Variants in PLAA observed in about 807,000 individuals in gnomAD.
PLAA encodes phospholipase A-2-activating protein.
PLAA carries 48 observed loss-of-function variants against 84.1 expected under a neutral mutation model. The observed-to-expected ratio is 0.57, with a 90% confidence interval of 0.45 to 0.73. PLAA has a LOEUF of 0.73. Among genes scored for constraint, PLAA ranks in the 30% least tolerant of loss-of-function variants. The pLI is 0.00. For missense variants in PLAA, 903 were observed against 954.7 expected (o/e 0.95, Z 0.71); for synonymous variants, 392 against 336.6 (o/e 1.16, Z -1.80).
At chr9:26,910,539 A>G (rs1824368044) in intron 11 of PLAA, 100 bp from the exon 12 acceptor site, 3 of 782,898 alleles carry the variant, frequency 3.8e-6, no homozygotes, top group Non-Finnish European at 6.3e-6. Context: ...GAGATATGCA[A>G]CTATTCAGTG....
chr9:26,911,939 A>C (rs895032015), intron 11 of PLAA, among the ~76,000 whole-genome samples: 1 of 152,210 alleles, frequency 6.6e-6, no homozygotes, highest in African/African-American at 2.4e-5. Flanking sequence ...ATAAACAATA[A>C]ATTTTTCTTG....
chr9:26,907,565 AAAAC>A (rs1187626437), intron 13 of PLAA: 7 of 353,890 alleles, frequency 2.0e-5, no homozygotes, highest in African/African-American at 8.7e-5. Context: ...ACAAAACAAA[AAAAC>A]AAAGAAAACA....
chr9:26,905,473 A>T lies in PLAA; in HGVS notation c.*38T>A. On this transcript the variant is annotated 3_prime_UTR_variant, in exon 14 of 14. Transcript: ENST00000397292. ...TCATGTCAAATGTGAGGAAAAAAAC[A>T]CTAATCAATTAAAAATATCCGTCCC... The T allele has an allele frequency of 7.2e-7, 1 of 1,397,416 alleles. No individual in the cohort carries two copies. The highest frequency in any genetic ancestry group is 9.9e-7 in the Non-Finnish European group (1 of 1,013,144). The allele number at this position is 1,397,416 out of a possible 1,614,324, so 86.6% of individuals were successfully genotyped here.
At chr9:26,916,265 G>A (rs1011405873) in intron 10 of PLAA, 7 of 985,158 alleles carry the variant, frequency 7.1e-6, no homozygotes, top group East Asian at 1.1e-4. Context: ...ATACCTAAAC[G>A]CTATGATCTC....
intron 6 of PLAA, 51 bp from the exon 7 acceptor site, chr9:26,923,398 C>A (rs1283751846): frequency 8.1e-7 from 1 of 1,238,820 alleles, no homozygotes; most frequent in South Asian, 1.3e-5. Flanking sequence ...AATACATTAA[C>A]ATTATCACAC....
At chr9:26,945,062 G>A (rs1208926415) in intron 1 of PLAA, among the ~76,000 whole-genome samples, 2 of 152,204 alleles carry the variant, frequency 1.3e-5, no homozygotes, top group Non-Finnish European at 2.9e-5. Context: ...CGGAGGCGGA[G>A]GTTGCAGTGA....
intron 1 of PLAA, among the ~76,000 whole-genome samples, chr9:26,941,701 C>T (rs1825549596): frequency 6.7e-6 from 1 of 150,256 alleles, no homozygotes; most frequent in South Asian, 2.1e-4. Flanking sequence ...ATATTGCAAC[C>T]ATGAAACAAG....
intron 1 of PLAA, among the ~76,000 whole-genome samples, chr9:26,939,484 C>CAAAAAAAAAA (rs58833364): frequency 1.3e-5 from 1 of 76,922 alleles, no homozygotes; most frequent in Non-Finnish European, 2.8e-5. Flanking sequence ...GATGAGAGAC[C>CAAAAAAAAAA]AAAAAAAAAA....
intron 4 of PLAA, among the ~76,000 whole-genome samples, chr9:26,927,894 T>C (rs1233366293): frequency 6.6e-6 from 1 of 152,214 alleles, no homozygotes; most frequent in East Asian, 1.9e-4. Context: ...TATTTATCAG[T>C]CTACATTTGG....
At chr9:26,907,147 A>G (rs970594181) in intron 13 of PLAA, among the ~76,000 whole-genome samples, 1 of 152,170 alleles carries the variant, frequency 6.6e-6, no homozygotes, top group Non-Finnish European at 1.5e-5. Flanking sequence ...ATTGGAAAAA[A>G]AAAAACTTAC....
At chr9:26,932,095 A>G (rs879710965) in intron 2 of PLAA, among the ~76,000 whole-genome samples, 13 of 152,184 alleles carry the variant, frequency 8.5e-5, no homozygotes, top group Non-Finnish European at 1.6e-4. Flanking sequence ...CTCCAAAACA[A>G]ACAAACAAAA....
intron 1 of PLAA, among the ~76,000 whole-genome samples, chr9:26,936,925 G>A (rs1376477280): frequency 6.6e-6 from 1 of 152,124 alleles, no homozygotes; most frequent in African/African-American, 2.4e-5. Flanking sequence ...TAGATCACCT[G>A]AGGTCAGGAG....
chr9:26,943,962 A>G (rs1825615270), intron 1 of PLAA, among the ~76,000 whole-genome samples: 1 of 152,078 alleles, frequency 6.6e-6, no homozygotes, highest in African/African-American at 2.4e-5. Flanking sequence ...TCAAAAAAAC[A>G]AAATCACACA....
intron 12 of PLAA, among the ~76,000 whole-genome samples, chr9:26,908,799 G>C (rs1274625630): frequency 1.3e-5 from 2 of 152,120 alleles, no homozygotes; most frequent in Non-Finnish European, 1.5e-5. Flanking sequence ...TTTCAAAGCA[G>C]TATCATGTGT....
intron 1 of PLAA, among the ~76,000 whole-genome samples, chr9:26,941,997 G>T (rs552985766): frequency 3.9e-4 from 60 of 152,230 alleles, no homozygotes; most frequent in African/African-American, 1.4e-3. Context: ...AATCAGAATG[G>T]CTTCAGACTT....
chr9:26,937,854 A>C (rs1332630592), intron 1 of PLAA, among the ~76,000 whole-genome samples: 2 of 142,504 alleles, frequency 1.4e-5, no homozygotes, highest in African/African-American at 2.6e-5. Flanking sequence ...AGGTTTGAAG[A>C]ACACAAAAAA....
At position 26,928,556 on chromosome 9, in the gene PLAA, A is replaced by G. The variant is rs929991052; in HGVS notation, c.344-148T>C. ...GCTCAATTCAGCAGAGACGCATAAGAGTACAGTGGTCAAGAGCAGACTCTG... is the reference window on the plus strand; with the variant it reads ...GCTCAATTCAGCAGAGACGCATAAGGGTACAGTGGTCAAGAGCAGACTCTG... On this transcript the variant is annotated intron_variant, in intron 2 of 13. Coordinates refer to ENST00000397292, the MANE Select transcript of PLAA (RefSeq NM_001031689.3). 6 of 663,310 alleles carry G rather than the reference A, an allele frequency of 9.0e-6. 1 individual carries two copies. The African/African-American group carries it at 1.1e-4, about 12-fold the overall frequency. The allele number at this position is 663,310 out of a possible 1,614,324, so 41.1% of individuals were successfully genotyped here. A position where few individuals can be genotyped will look rare whatever the true frequency, so the allele number is the denominator to read the frequency against.
At chr9:26,939,917 T>C (rs1485534687) in intron 1 of PLAA, among the ~76,000 whole-genome samples, 1 of 152,204 alleles carries the variant, frequency 6.6e-6, no homozygotes, top group Non-Finnish European at 1.5e-5. Flanking sequence ...AAGTGATATA[T>C]AGATAGTTCT....
chr9:26,932,731 T>C (rs1241230685), intron 2 of PLAA, among the ~76,000 whole-genome samples: 1 of 152,246 alleles, frequency 6.6e-6, no homozygotes, highest in Non-Finnish European at 1.5e-5. Flanking sequence ...AAGATATCTC[T>C]ACTTCTGTGT....
Sources: allele counts gnomAD v4.1 joint callset (sites outside exome capture counted in the v4.1 genomes callset), GRCh38; gene constraint gnomAD v4.1.1; transcripts MANE v1.5; gene names NCBI Gene and HGNC (gene_info 2026-07-23, HGNC 2026-07-21).